RANBP3: variants seen among roughly 807,000 people sequenced by gnomAD.
The protein encoded by RANBP3 is RAN binding protein 3, also known as ran-binding protein 3.
RANBP3 carries 14 observed loss-of-function variants against 77.3 expected under a neutral mutation model. That is an observed-to-expected ratio of 0.18 (90% CI 0.12 to 0.28). RANBP3 has a LOEUF of 0.28. RANBP3 is among the 10% of genes least tolerant of loss of function. The pLI is 1.00. For missense variants in RANBP3, 586 were observed against 752.3 expected, an observed-to-expected ratio of 0.78 and a Z score of 2.59; for synonymous variants, 315 against 312.4, an observed-to-expected ratio of 1.01 and a Z score of -0.09.
chr19:5,935,212 G>A (rs549335425), intron 5 of RANBP3, among the ~76,000 whole-genome samples: 5 of 152,174 alleles, frequency 3.3e-5, no homozygotes, highest in African/African-American at 4.8e-5. Context: ...CGGAGGCGCC[G>A]CTGTGCCTGG....
chr19:5,949,991 T>A (rs1252270229), intron 3 of RANBP3, among the ~76,000 whole-genome samples: 1 of 152,166 alleles, frequency 6.6e-6, no homozygotes, highest in African/African-American at 2.4e-5. Flanking sequence ...CCCAGGCACC[T>A]GCAGAAGGCC....
intron 1 of RANBP3, chr19:5,976,242 T>C (rs950174314): frequency 6.6e-6 from 1 of 152,150 alleles, no homozygotes; most frequent in Non-Finnish European, 1.5e-5. Context: ...GATTTTGTTT[T>C]GGAAACGCTC....
At chr19:5,923,948 C>A (rs1233126510) in intron 11 of RANBP3, 34 bp from the exon 12 acceptor site, 1 of 1,527,044 alleles carries the variant, frequency 6.5e-7, no homozygotes, top group Non-Finnish European at 9.1e-7. Context: ...AGGAAGAGGG[C>A]ACTTGTGTGG....
rs2057747089 is a variant in RANBP3, at chr19:5,917,033, A to C, written c.*577T>G. 6.4e-6 allele frequency: 1 copy of C among 155,776 alleles called. No individual in the cohort carries two copies. The highest frequency in any genetic ancestry group is 1.4e-5 in the Non-Finnish European group (1 of 69,020). 9.6% of individuals were successfully genotyped at this position (155,776 alleles called of 1,614,324 possible). A position where few individuals can be genotyped will look rare whatever the true frequency, so the allele number is the denominator to read the frequency against. ...AAAATAAAAAGAAAAAAAGATGTAA[A>C]ATATACACCCCCAATCAGAGAGGGG... On this transcript the variant is annotated 3_prime_UTR_variant, in exon 17 of 17. Coordinates refer to ENST00000340578, the MANE Select transcript of RANBP3 (RefSeq NM_007322.3).
rs2057775760 is a variant in RANBP3, at chr19:5,918,544, G to A, written c.1425C>T (p.Ile475=). ...CCTGGTCCTCGGTGTCCATGGCTGT[G>A]ATGCGAATGCTCTTCTCGCTGGCCT... ...IDKASEKSIR[I]TAMDTEDQGV... The change falls in exon 15 of 17, where the codon ATC becomes ATT. Residue 475 remains isoleucine (I), a synonymous_variant. Coordinates refer to ENST00000340578, the MANE Select transcript of RANBP3 (RefSeq NM_007322.3). The A allele has an allele frequency of 3.1e-6, 5 of 1,613,586 alleles. No homozygotes were observed. The highest frequency in any genetic ancestry group is 4.2e-6 in the Non-Finnish European group (5 of 1,179,888).
intron 3 of RANBP3, among the ~76,000 whole-genome samples, chr19:5,947,453 C>T (rs2058220997): frequency 6.6e-6 from 1 of 152,176 alleles, no homozygotes; most frequent in Non-Finnish European, 1.5e-5. Flanking sequence ...CCTCCTCCTC[C>T]ACTTTTCCCA....
Position 5,931,418 on chromosome 19 carries a change from C to A in RANBP3, c.679G>T (p.Val227Leu), listed in dbSNP as rs756482919. 6.6e-5 allele frequency: 106 copies of A among 1,612,302 alleles called. No individual in the cohort carries two copies. Among genetic ancestry groups the A allele is most frequent in the Non-Finnish European group, 8.9e-5 (105 of 1,179,150 alleles). Residue 227 changes from valine (V) to leucine (L), a missense_variant, in exon 8 of 17, where the codon GTG (valine) becomes TTG (leucine). Physicochemically the swap from Val to Leu is conservative, Grantham distance 32. Transcript: ENST00000340578. Reference protein sequence around the residue: ...WRSPSEAADEVCALEEKEPQK... With the variant: ...WRSPSEAADELCALEEKEPQK... ...GACCCACTGACCTCAAGTGCACACA[C>A]CTCATCGGCAGCTTCGGAAGGACTT...
At chr19:5,964,853 G>T (rs889855358) in intron 1 of RANBP3, among the ~76,000 whole-genome samples, 11 of 27,954 alleles carry the variant, frequency 3.9e-4, no homozygotes, top group Non-Finnish European at 5.4e-4. Flanking sequence ...GTGGTAGGGT[G>T]GGGGGGGGGG....
chr19:5,917,858 T>G lies in RANBP3; in HGVS notation c.1596A>C (p.Pro532=). The G allele has an allele frequency of 6.2e-7, 1 of 1,612,898 alleles. No homozygotes were observed. ...CGTCGCTGTCGTCCTCCTCGTTGGA[T>G]GGGGCTGCCCCAGGCTCAGGCGCGG... ...KMPAPEPGAA[P]SNEEDDSDDD... The change falls in exon 16 of 17, where the codon CCA becomes CCC. Residue 532 remains proline, a synonymous_variant. Transcript: ENST00000340578.
chr19:5,942,093 T>C (rs2058145245), intron 3 of RANBP3, among the ~76,000 whole-genome samples: 1 of 152,170 alleles, frequency 6.6e-6, no homozygotes, highest in Non-Finnish European at 1.5e-5. Context: ...ATCAGTTTCT[T>C]GTTTCTCCAC....
Position 5,924,178 on chromosome 19 carries a change from T to C in RANBP3, c.997-264A>G, listed in dbSNP as rs988109502. 2.0e-5 allele frequency among the ~76,000 whole-genome samples: 3 copies of C among 152,138 alleles called. No homozygotes were observed. Among genetic ancestry groups the C allele is most frequent in the East Asian group, 1.9e-4 (1 of 5,174 alleles). Reference sequence around the variant, plus strand: ...CAAGACTTTGAACATTTCATTGAAATAGAAAAAGCACAGCGTGGCCACGAA... The same window carrying C: ...CAAGACTTTGAACATTTCATTGAAACAGAAAAAGCACAGCGTGGCCACGAA... On this transcript the variant is annotated intron_variant, in intron 11 of 16. Transcript: ENST00000340578. This position sits in a 1 kb window ranked among gnomAD's most constrained non-coding sequence, Gnocchi z 4.7.
chr19:5,939,045 C>G (rs1424254784), intron 5 of RANBP3, among the ~76,000 whole-genome samples: 1 of 152,130 alleles, frequency 6.6e-6, no homozygotes, highest in African/African-American at 2.4e-5. Flanking sequence ...ATTACCCCGG[C>G]ATTGTGGTGT....
rs2145018495 is a variant in RANBP3 at position 5,921,129 on chromosome 19, C to T, written c.1330+72G>A. The stretch of plus-strand genomic sequence containing the variant: ...GGGTCAGGATCTCCCCCGCTTCATT[C>T]CCTTTGGAATTGCATAGTCCCCAGC... On this transcript the variant is annotated intron_variant, in intron 14 of 16. Transcript: ENST00000340578. This position sits in a 1 kb window ranked among gnomAD's most constrained non-coding sequence, Gnocchi z 5.3. The T allele has an allele frequency of 2.0e-6, 3 of 1,531,208 alleles. No homozygotes were observed. The highest frequency in any genetic ancestry group is 2.0e-4 in the Middle Eastern group (1 of 5,084). The allele number at this position is 1,531,208 out of a possible 1,614,324, so 94.9% of individuals were successfully genotyped here.
Position 5,921,131 on chromosome 19 carries a change from CT to C in RANBP3, c.1330+69del, listed in dbSNP as rs2057813455. The C allele has an allele frequency of 1.3e-6, 2 of 1,538,678 alleles. No individual in the cohort carries two copies. The highest frequency in any genetic ancestry group is 1.8e-6 in the Non-Finnish European group (2 of 1,139,642). ...GTCAGGATCTCCCCCGCTTCATTCC[CT>C]TTGGAATTGCATAGTCCCCAGCCCT... On this transcript the variant is annotated intron_variant, in intron 14 of 16. Coordinates refer to ENST00000340578, the MANE Select transcript of RANBP3 (RefSeq NM_007322.3). This position sits in a 1 kb window ranked among gnomAD's most constrained non-coding sequence, Gnocchi z 5.3.
At chr19:5,938,950 C>T (rs1330701551) in intron 5 of RANBP3, among the ~76,000 whole-genome samples, 2 of 151,566 alleles carry the variant, frequency 1.3e-5, no homozygotes, top group South Asian at 2.1e-4. Flanking sequence ...TTTGGGAGGC[C>T]GAGACAGGTG....
At chr19:5,933,667 GGA>G (rs1568456260) in intron 5 of RANBP3, 188 bp from the exon 6 acceptor site, 2 of 538,438 alleles carry the variant, frequency 3.7e-6, no homozygotes, top group Non-Finnish European at 6.6e-6. Context: ...CTGGAGGAGG[GGA>G]GAGACAAGGG....
chr19:5,936,421 A>C (rs1568458302), intron 5 of RANBP3, among the ~76,000 whole-genome samples: 1 of 123,568 alleles, frequency 8.1e-6, no homozygotes, highest in East Asian at 3.9e-4. Context: ...TCATCTCCAC[A>C]TGCAGGCAGG....
intron 1 of RANBP3, among the ~76,000 whole-genome samples, chr19:5,965,330 G>T (rs549234221): frequency 2.2e-4 from 34 of 152,238 alleles, no homozygotes; most frequent in African/African-American, 7.9e-4. Flanking sequence ...GAGTAAGGAG[G>T]GTGAAAGGAG....
chr19:5,968,749 C>A lies in RANBP3; in HGVS notation c.22+9312G>T, dbSNP rs562264068. Among the ~76,000 whole-genome samples the A allele has an allele frequency of 1.1e-3, 173 of 152,292 alleles. 1 individual carries two copies. Among genetic ancestry groups the A allele is most frequent in the African/African-American group, 4.1e-3 (170 of 41,568 alleles). ...GGTGGGATCTGAAGGCAGGCCGAGC[C>A]GAGCAGCCAAGCCTTGCTCTCACCA... On this transcript the variant is annotated intron_variant, in intron 1 of 16. Transcript: ENST00000340578.
Sources: allele counts gnomAD v4.1 joint callset (sites outside exome capture counted in the v4.1 genomes callset), GRCh38; gene constraint gnomAD v4.1.1; non-coding constraint Gnocchi (gnomAD v3.1); transcripts MANE v1.5; gene names NCBI Gene and HGNC (gene_info 2026-07-23, HGNC 2026-07-21).